FGFR1: variants seen among roughly 807,000 people sequenced by gnomAD.
FGFR1 encodes FGFR1/PLAG1 fusion.
FGFR1 carries 18 observed loss-of-function variants against 93.7 expected under a neutral mutation model. The ratio of observed to expected loss-of-function variants is 0.19; its 90% CI spans 0.13 to 0.28. The LOEUF (loss-of-function observed/expected upper bound fraction) is 0.28, where lower values mean the gene tolerates loss of function less well. FGFR1 is among the 10% of genes least tolerant of loss of function. The probability of loss-of-function intolerance (pLI) is 1.00; values close to 1 mark genes in which losing one functional copy is unlikely to be tolerated. For missense variants in FGFR1, 731 were observed against 1,080.4 expected, an observed-to-expected ratio of 0.68 and a Z score of 4.53; for synonymous variants, 448 against 429.3, an observed-to-expected ratio of 1.04 and a Z score of -0.54.
intron 2 of FGFR1, among the ~76,000 whole-genome samples, chr8:38,447,115 ACACACAC>A (rs1829574234): frequency 7.3e-6 from 1 of 137,284 alleles, no homozygotes; most frequent in Admixed American, 7.0e-5. Context: ...ACACACACAC[ACACACAC>A]ACACACACAC....
At position 38,454,974 on chromosome 8, in the gene FGFR1, T is replaced by C. The variant is rs534256371; in HGVS notation, c.91+2382A>G. 1.9e-4 allele frequency among the ~76,000 whole-genome samples: 13 copies of C among 67,642 alleles called. No homozygotes were observed. In the East Asian group the frequency reaches 4.3e-3, roughly 22 times the overall value. 44.4% of individuals were successfully genotyped at this position (67,642 alleles called of 152,430 possible). On this transcript the variant is annotated intron_variant, in intron 2 of 17. Transcript: ENST00000447712. ...TTTAAGTCTAGTTTTCTTTTCTTGC[T>C]TTTTTTTTTTTTTTTTTTTTAGACA... is the stretch of plus-strand genomic sequence containing the variant.
chr8:38,434,402 G>T, intron 2 of FGFR1: 1 of 304,374 alleles, frequency 3.3e-6, no homozygotes, highest in South Asian at 4.7e-5. Flanking sequence ...CTGCAATGGT[G>T]ACTTCCACCT....
chr8:38,451,222 A>C (rs1347486704), intron 2 of FGFR1, among the ~76,000 whole-genome samples: 1 of 151,996 alleles, frequency 6.6e-6, no homozygotes, highest in Non-Finnish European at 1.5e-5. Context: ...AGTTCTTTTC[A>C]TCATAAGAAA....
intron 7 of FGFR1, chr8:38,423,196 A>G: frequency 1.3e-6 from 1 of 776,366 alleles, no homozygotes. Context: ...CCAACGACAC[A>G]CCAGTCAGTT....
At chr8:38,442,454 G>A (rs1394025445) in intron 2 of FGFR1, among the ~76,000 whole-genome samples, 2 of 151,168 alleles carry the variant, frequency 1.3e-5, no homozygotes, top group Non-Finnish European at 1.5e-5. Context: ...CGGAGCCCAG[G>A]CCTCCCAGCC....
At chr8:38,444,051 C>CAAAAAAAAA (rs746296068) in intron 2 of FGFR1, among the ~76,000 whole-genome samples, 2 of 74,348 alleles carry the variant, frequency 2.7e-5, no homozygotes, top group African/African-American at 1.0e-4. Flanking sequence ...GAAACTGTCT[C>CAAAAAAAAA]AAAAAAAAAA....
chr8:38,417,322 C>A lies in FGFR1; in HGVS notation c.1647G>T (p.Gly549=). 6.2e-7 allele frequency: 1 copy of A among 1,613,312 alleles called. No homozygotes were observed. The highest frequency in any genetic ancestry group is 8.5e-7 in the Non-Finnish European group (1 of 1,179,840). Residue 549 remains glycine, a synonymous_variant, in exon 12 of 18, where the codon GGG becomes GGT. Transcript: ENST00000447712. ...GGCACCCACCATCCTGCGTGCAGGC[C>A]CCCAGCAGGTTGATGATATTCTTAT... ...GKHKNIINLL[G]ACTQDGPLYV...
chr8:38,422,083 G>A (rs918515473), intron 7 of FGFR1, 142 bp from the exon 8 acceptor site: 108 of 992,170 alleles, frequency 1.1e-4, no homozygotes, highest in Non-Finnish European at 1.5e-4. Flanking sequence ...AGGAACAAAC[G>A]AAAACCACCA....
chr8:38,422,575 T>C (rs565484327), intron 7 of FGFR1, among the ~76,000 whole-genome samples: 32 of 152,312 alleles, frequency 2.1e-4, no homozygotes, highest in Non-Finnish European at 8.8e-5. Context: ...GGCTAATTTA[T>C]TTAATTTGTA....
rs2150558720 is a variant in FGFR1, at chr8:38,414,762, G to A, written c.1977+17C>T. On this transcript the variant is annotated intron_variant, in intron 14 of 17. Coordinates refer to ENST00000447712, the MANE Select transcript of FGFR1 (RefSeq NM_023110.3). ...CAGATGAAACCACCAGCACAGGGCG[G>A]CCTTGTCGGCACTCACGTTGGTTGT... is the stretch of plus-strand genomic sequence containing the variant. 6.2e-7 allele frequency: 1 copy of A among 1,614,046 alleles called. No individual in the cohort carries two copies.
intron 1 of FGFR1, among the ~76,000 whole-genome samples, chr8:38,460,545 C>T (rs963866318): frequency 6.6e-6 from 1 of 152,168 alleles, no homozygotes; most frequent in Non-Finnish European, 1.5e-5. Context: ...GGCTGCAGAC[C>T]GCCCTCTCTC....
chr8:38,462,397 A>G (rs1834601060), intron 1 of FGFR1, among the ~76,000 whole-genome samples: 1 of 151,568 alleles, frequency 6.6e-6, no homozygotes, highest in Admixed American at 6.6e-5. Flanking sequence ...CCAGCTACTC[A>G]GGAGGCTGAG....
chr8:38,456,501 T>C (rs1354015790), intron 2 of FGFR1, among the ~76,000 whole-genome samples: 1 of 152,126 alleles, frequency 6.6e-6, no homozygotes, highest in Admixed American at 6.6e-5. Flanking sequence ...AGCAAATCGC[T>C]TGGCAGGCCC....
chr8:38,462,050 G>A (rs186308618), intron 1 of FGFR1, among the ~76,000 whole-genome samples: 1 of 152,068 alleles, frequency 6.6e-6, no homozygotes, highest in East Asian at 1.9e-4. Flanking sequence ...TGGTGCTAAC[G>A]GATATGCTAT....
rs1820720657 is a variant in FGFR1 at position 38,426,277 on chromosome 8, G to A, written c.622-32C>T. The A allele has an allele frequency of 1.9e-6, 3 of 1,613,252 alleles. No individual in the cohort carries two copies. The highest frequency in any genetic ancestry group is 1.7e-5 in the Admixed American group (1 of 59,982). ...GGAAATGCCAAAGGGATACATTGAGGGTCCAGAGGAAAATGCAGGCCCCAT... is the reference window on the plus strand; with the variant it reads ...GGAAATGCCAAAGGGATACATTGAGAGTCCAGAGGAAAATGCAGGCCCCAT... On this transcript the variant is annotated intron_variant, in intron 5 of 17. Coordinates refer to ENST00000447712, the MANE Select transcript of FGFR1 (RefSeq NM_023110.3). The surrounding 1 kb of genome is among the most constrained non-coding windows in gnomAD (Gnocchi z 4.1).
chr8:38,417,007 G>A (rs2150615213), intron 12 of FGFR1, among the ~76,000 whole-genome samples: 1 of 151,832 alleles, frequency 6.6e-6, no homozygotes, highest in East Asian at 1.9e-4. Flanking sequence ...TCCTGCCTCG[G>A]CCTCCCAAAT....
chr8:38,434,798 G>C (rs1323617198), intron 2 of FGFR1: 2 of 153,942 alleles, frequency 1.3e-5, no homozygotes, highest in African/African-American at 2.4e-5. Flanking sequence ...GTGAGGAGCA[G>C]GAATGGGCAG....
rs563989953 is a variant in FGFR1 at position 38,438,139 on chromosome 8, G to A, written c.92-8191C>T. ...TTCATCCTCATAGGAAACTTATGAGGTTGATCCTACTATGATTTCTATCCT... is the reference window on the plus strand; with the variant it reads ...TTCATCCTCATAGGAAACTTATGAGATTGATCCTACTATGATTTCTATCCT... On this transcript the variant is annotated intron_variant, in intron 2 of 17. Transcript: ENST00000447712. Among the ~76,000 whole-genome samples, 3 of 152,278 alleles carry A rather than the reference G, an allele frequency of 2.0e-5. No homozygotes were observed. The East Asian group carries it at 5.8e-4, about 29-fold the overall frequency.
intron 2 of FGFR1, among the ~76,000 whole-genome samples, chr8:38,439,927 C>G (rs190848221): frequency 6.6e-6 from 1 of 152,010 alleles, no homozygotes; most frequent in South Asian, 2.1e-4. Flanking sequence ...ACCTACTCTA[C>G]GTTCTACACT....
Sources: gnomAD v4.1 joint callset for allele counts (sites outside exome capture counted in the v4.1 genomes callset) on GRCh38, gnomAD v4.1.1 for gene constraint, Gnocchi (gnomAD v3.1) non-coding constraint, MANE v1.5 for transcripts, NCBI Gene and HGNC (gene_info 2026-07-23, HGNC 2026-07-21) for gene names.